DQX1: variants seen among roughly 807,000 people sequenced by gnomAD.
DQX1 encodes the protein ATP-dependent RNA helicase homolog DQX1.
DQX1 carries 66 observed loss-of-function variants against 81.3 expected under a neutral mutation model. That is an observed-to-expected ratio of 0.81 (90% CI 0.67 to 1.00). The LOEUF (loss-of-function observed/expected upper bound fraction) is 1.00. Among genes scored for constraint, DQX1 ranks in the 50% least tolerant of loss-of-function variants. The pLI, the probability that DQX1 is intolerant of heterozygous loss-of-function variation, is 0.00. For missense variants in DQX1, 798 were observed against 867.9 expected (o/e 0.92, Z 1.01); for synonymous variants, 290 against 350.0 (o/e 0.83, Z 1.91).
chr2:74,524,292 C>T lies in DQX1; in HGVS notation c.447G>A (p.Arg149=). 1 of 1,611,780 alleles carries T rather than the reference C, an allele frequency of 6.2e-7. No homozygotes were observed. The highest frequency in any genetic ancestry group is 8.5e-7 in the Non-Finnish European group (1 of 1,179,392). The change falls in exon 4 of 12, where the codon AGG becomes AGA. Residue 149 remains arginine (R), a synonymous_variant. Transcript: ENST00000404568. ...PNTLLRFCWD[R]LLLQEVASTR... ...TCGAGGCCACCTCCTGCAGAAGCAG[C>T]CTGTCCCAGCAGAACCTGTTGACAT...
Position 74,524,280 on chromosome 2 carries a change from C to T in DQX1, c.459G>A (p.Gln153=), listed in dbSNP as rs1325902004. 2 of 1,613,238 alleles carry T rather than the reference C, an allele frequency of 1.2e-6. No homozygotes were observed. Among genetic ancestry groups the T allele is most frequent in the Non-Finnish European group, 1.7e-6 (2 of 1,179,708 alleles). ...LRFCWDRLLL[Q]EVASTRGTGA... ...CAGTGCCTCGGGTCGAGGCCACCTCCTGCAGAAGCAGCCTGTCCCAGCAGA... is the reference window on the plus strand; with the variant it reads ...CAGTGCCTCGGGTCGAGGCCACCTCTTGCAGAAGCAGCCTGTCCCAGCAGA... The change falls in exon 4 of 12, where the codon CAG becomes CAA. Residue 153 remains glutamine, a synonymous_variant. Coordinates refer to ENST00000404568, the MANE Select transcript of DQX1 (RefSeq NM_133637.3).
Position 74,525,915 on chromosome 2 carries a change from TGA to T in DQX1, c.-19-169_-19-168del, listed in dbSNP as rs1463396572. 1.3e-5 allele frequency among the ~76,000 whole-genome samples: 2 copies of T among 152,228 alleles called. No individual in the cohort carries two copies. Among genetic ancestry groups the T allele is most frequent in the Non-Finnish European group, 2.9e-5 (2 of 68,036 alleles). On this transcript the variant is annotated intron_variant, in intron 1 of 11. Coordinates refer to ENST00000404568, the MANE Select transcript of DQX1 (RefSeq NM_133637.3). The surrounding 1 kb of genome is among the most constrained non-coding windows in gnomAD (Gnocchi z 4.1). ...GCTAGGTATTTTGATAAAGGGCTAC[TGA>T]GAGTTAGTCGACAGTCCCTATAGTC...
intron 3 of DQX1, 78 bp from the exon 4 acceptor site, chr2:74,524,385 A>G: frequency 6.6e-7 from 1 of 1,518,218 alleles, no homozygotes; most frequent in Non-Finnish European, 8.8e-7. Context: ...CTTCTCCCCA[A>G]GGGACGTATA....
At position 74,522,626 on chromosome 2, in the gene DQX1, C is replaced by G; in HGVS notation, c.1449G>C (p.Glu483Asp). The change falls in exon 8 of 12, where the codon GAG becomes GAC. Residue 483 changes from glutamate (E) to aspartate (D), a missense_variant. Physicochemically the swap from Glu to Asp is conservative, Grantham distance 45 (BLOSUM62 2). Transcript: ENST00000404568. The stretch of plus-strand genomic sequence containing the variant: ...TGAGCATCTCGTCCACACAGTCAAA[C>G]TCGCATGAGGCCAGCAGGGCTTTGG... Reference protein sequence around the residue: ...ELAKALLASCEFDCVDEMLTL... With the variant: ...ELAKALLASCDFDCVDEMLTL... 1 of 1,614,192 alleles carries G rather than the reference C, an allele frequency of 6.2e-7. No individual in the cohort carries two copies. Among genetic ancestry groups the G allele is most frequent in the Non-Finnish European group, 8.5e-7 (1 of 1,180,030 alleles).
chr2:74,522,599 G>T lies in DQX1; in HGVS notation c.1476C>A (p.Thr492=). The change falls in exon 8 of 12, where the codon ACC becomes ACA. Residue 492 remains threonine, a synonymous_variant. Transcript: ENST00000404568. ...CEFDCVDEML[T]LAAMLTAAPG... The stretch of plus-strand genomic sequence containing the variant: ...TTATACCTGTGAGCATGGCAGCCAG[G>T]GTGAGCATCTCGTCCACACAGTCAA... 1 of 1,613,862 alleles carries T rather than the reference G, an allele frequency of 6.2e-7. No individual in the cohort carries two copies. The highest frequency in any genetic ancestry group is 1.7e-5 in the Admixed American group (1 of 59,964).
intron 8 of DQX1, among the ~76,000 whole-genome samples, chr2:74,521,577 C>T (rs906155835): frequency 6.6e-6 from 1 of 150,648 alleles, no homozygotes; most frequent in Non-Finnish European, 1.5e-5. Context: ...TTGAACCAGG[C>T]AGACAGAGGT....
intron 8 of DQX1, among the ~76,000 whole-genome samples, chr2:74,520,723 G>C (rs1042981315): frequency 2.5e-4 from 38 of 152,256 alleles, no homozygotes; most frequent in Middle Eastern, 3.4e-3. Flanking sequence ...GCCCAGGCTG[G>C]AGTGAAGTGG....
chr2:74,520,240 G>T (rs774102031), intron 8 of DQX1, among the ~76,000 whole-genome samples: 1 of 152,266 alleles, frequency 6.6e-6, no homozygotes, highest in Non-Finnish European at 1.5e-5. Context: ...CTTCAAGTCT[G>T]GTGGGAGAGA....
intron 8 of DQX1, 41 bp downstream of exon 8, chr2:74,522,539 A>G: frequency 5.1e-6 from 8 of 1,581,708 alleles, no homozygotes; most frequent in East Asian, 2.2e-5. Context: ...GAAGGGCTGA[A>G]GTGGTTTCAA....
Position 74,518,622 on chromosome 2 carries a change from T to C in DQX1, c.1998-20A>G. On this transcript the variant is annotated intron_variant, in intron 11 of 11. Coordinates refer to ENST00000404568, the MANE Select transcript of DQX1 (RefSeq NM_133637.3). ...ACCAGCCTAATAGAGAGAGTCATAA[T>C]TAGATGATCTGCATCTTCTCTCTCT... The C allele has an allele frequency of 6.2e-7, 1 of 1,611,388 alleles. No homozygotes were observed.
intron 3 of DQX1, 137 bp from the exon 4 acceptor site, chr2:74,524,444 G>T: frequency 8.0e-7 from 1 of 1,256,412 alleles, no homozygotes. Context: ...CTGAGCCTAT[G>T]GACCCATAAC....
At chr2:74,519,776 A>C (rs374931711) in intron 9 of DQX1, 30 bp from the exon 10 acceptor site, 16 of 1,612,716 alleles carry the variant, frequency 9.9e-6, no homozygotes, top group South Asian at 9.9e-5. Flanking sequence ...AGCTAAACTA[A>C]AGTCCTTGAG....
At chr2:74,524,347 A>C in intron 3 of DQX1, 40 bp from the exon 4 acceptor site, 1 of 1,575,350 alleles carries the variant, frequency 6.3e-7, no homozygotes, top group Middle Eastern at 1.7e-4. Context: ...CAGTGTGGAC[A>C]CTGACCAGCC....
Position 74,525,178 on chromosome 2 carries a change from C to T in DQX1, c.262G>A (p.Ala88Thr). The change falls in exon 3 of 12, where the codon GCG (alanine) becomes ACG (threonine). Residue 88 changes from alanine to threonine, a missense_variant. By Grantham distance (58) the Ala-to-Thr change is moderately conservative. Coordinates refer to ENST00000404568, the MANE Select transcript of DQX1 (RefSeq NM_133637.3). This position sits in a 1 kb window ranked among gnomAD's most constrained non-coding sequence, Gnocchi z 4.1. The part of the protein sequence containing the change: ...TQIPQWCAEF[A>T]LARGFQKGQV... Reference sequence around the variant, plus strand: ...CCTTTCTGGAACCCTCTGGCCAGCGCAAACTCTGCACACCACTGAGGGATC... The same window carrying T: ...CCTTTCTGGAACCCTCTGGCCAGCGTAAACTCTGCACACCACTGAGGGATC... 6.3e-7 allele frequency: 1 copy of T among 1,595,258 alleles called. No individual in the cohort carries two copies. The highest frequency in any genetic ancestry group is 1.1e-5 in the South Asian group (1 of 88,910).
chr2:74,519,451 CTT>C, intron 10 of DQX1, 103 bp downstream of exon 10: 1 of 1,471,144 alleles, frequency 6.8e-7, no homozygotes, highest in Non-Finnish European at 9.2e-7. Context: ...TCTAAAGAAT[CTT>C]TTGAATGGCC....
At position 74,525,281 on chromosome 2, in the gene DQX1, C is replaced by T; in HGVS notation, c.238-79G>A. 1 of 1,413,120 alleles carries T rather than the reference C, an allele frequency of 7.1e-7. No homozygotes were observed. The highest frequency in any genetic ancestry group is 9.4e-7 in the Non-Finnish European group (1 of 1,060,422). The allele number at this position is 1,413,120 out of a possible 1,614,324, so 87.5% of individuals were successfully genotyped here. ...AGAAGTGCTCAGGGAACTATGGCCA[C>T]TTTAATCTTTCCTTATTTGGGGAGT... On this transcript the variant is annotated intron_variant, in intron 2 of 11. Coordinates refer to ENST00000404568, the MANE Select transcript of DQX1 (RefSeq NM_133637.3). The surrounding 1 kb of genome is among the most constrained non-coding windows in gnomAD (Gnocchi z 4.1).
Position 74,525,627 on chromosome 2 carries a change from A to T in DQX1, c.103T>A (p.Tyr35Asn). 6.4e-7 allele frequency: 1 copy of T among 1,551,832 alleles called. No homozygotes were observed. The highest frequency in any genetic ancestry group is 1.2e-5 in the South Asian group (1 of 84,064). The change falls in exon 2 of 12, where the codon TAC becomes AAC. Residue 35 changes from tyrosine to asparagine, a missense_variant. Transcript: ENST00000404568. The surrounding 1 kb of genome is among the most constrained non-coding windows in gnomAD (Gnocchi z 4.1). ...TGGCGCTGCTTCAGCAGCTCATAGT[A>T]GCGGGAAGAGAAGGGAAGCCCATCA... is the stretch of plus-strand genomic sequence containing the variant. ...PFDGLPFSSR[Y>N]YELLKQRQAL... is the part of the protein sequence containing the mutation.
At chr2:74,520,355 G>A (rs975713768) in intron 8 of DQX1, among the ~76,000 whole-genome samples, 4 of 152,246 alleles carry the variant, frequency 2.6e-5, no homozygotes, top group Non-Finnish European at 5.9e-5. Context: ...GAGGATGTGA[G>A]TGATGTAAGA....
In DQX1 at chr2:74,518,265, T is replaced by C. The variant is rs13407605; in HGVS notation, c.*181A>G. On this transcript the variant is annotated 3_prime_UTR_variant, in exon 12 of 12. Transcript: ENST00000404568. ...GCTAAGGAAAGAGTCCTTCCCTATGTAGACTGTGGTTTACCCCATTCTTTC... is the reference window on the plus strand; with the variant it reads ...GCTAAGGAAAGAGTCCTTCCCTATGCAGACTGTGGTTTACCCCATTCTTTC... 7.9e-3 allele frequency: 5,008 copies of C among 634,934 alleles called. 202 individuals carry two copies. The African/African-American group carries it at 0.082, about 10-fold the overall frequency. The allele number at this position is 634,934 out of a possible 1,614,324, so 39.3% of individuals were successfully genotyped here. A position where few individuals can be genotyped will look rare whatever the true frequency, so the allele number is the denominator to read the frequency against.
Sources: allele counts gnomAD v4.1 joint callset (sites outside exome capture counted in the v4.1 genomes callset), GRCh38; gene constraint gnomAD v4.1.1; non-coding constraint Gnocchi (gnomAD v3.1); transcripts MANE v1.5; gene names NCBI Gene and HGNC (gene_info 2026-07-23, HGNC 2026-07-21).